Variants in ABCC9 observed in about 807,000 individuals in gnomAD.
ABCC9 encodes the protein ATP binding cassette subfamily C member 9, also known as ATP-binding cassette sub-family C member 9.
Under a neutral mutation model 188.3 loss-of-function variants are expected in ABCC9, and 95 were observed. That is an observed-to-expected ratio of 0.50 (90% CI 0.43 to 0.60). The LOEUF is 0.60. Among genes scored for constraint, ABCC9 ranks in the 20% least tolerant of loss-of-function variants. The pLI is 0.00. For synonymous variants in ABCC9, 659 were observed against 652.7 expected, an observed-to-expected ratio of 1.01 and a Z score of -0.15; for missense variants, 1,102 against 1,876.3, an observed-to-expected ratio of 0.59 and a Z score of 7.62.
At chr12:21,887,423 A>T (rs1350557278) in intron 15 of ABCC9, among the ~76,000 whole-genome samples, 1 of 152,208 alleles carries the variant, frequency 6.6e-6, no homozygotes, top group Non-Finnish European at 1.5e-5. Context: ...AAAAAGAGAC[A>T]ATGTAATATA....
At position 21,878,759 on chromosome 12, in the gene ABCC9, G is replaced by C. The variant is rs1486868164; in HGVS notation, c.2020-3033C>G. Among the ~76,000 whole-genome samples the C allele has an allele frequency of 5.1e-5, 7 of 138,396 alleles. No homozygotes were observed. In the Admixed American group the frequency reaches 5.3e-4, roughly 11 times the overall value. The allele number at this position is 138,396 out of a possible 152,430, so 90.8% of individuals were successfully genotyped here. Reference sequence around the variant, plus strand: ...CTAAAAGAATGCAATGTCACCTTCTGATTTGGTGCTACATTGAAGTAAAAG... The same window carrying C: ...CTAAAAGAATGCAATGTCACCTTCTCATTTGGTGCTACATTGAAGTAAAAG... On this transcript the variant is annotated intron_variant, in intron 16 of 39. Transcript: ENST00000261200.
chr12:21,859,755 A>G (rs1945411846), intron 21 of ABCC9, 89 bp from the exon 22 acceptor site: 2 of 1,118,094 alleles, frequency 1.8e-6, no homozygotes, highest in Middle Eastern at 2.0e-4. Flanking sequence ...ACGTCTTTTT[A>G]AAAATCTTAG....
At chr12:21,841,653 G>A (rs1197873630) in intron 29 of ABCC9, among the ~76,000 whole-genome samples, 1 of 151,974 alleles carries the variant, frequency 6.6e-6, no homozygotes, top group Non-Finnish European at 1.5e-5. Context: ...CACCACGCCC[G>A]GCCTATGTTT....
intron 25 of ABCC9, among the ~76,000 whole-genome samples, chr12:21,846,715 T>A (rs1274969617): frequency 1.6e-4 from 24 of 152,170 alleles, no homozygotes; most frequent in Non-Finnish European, 7.4e-5. Flanking sequence ...GTATGTCCTT[T>A]GTGTGAGAAG....
intron 4 of ABCC9, among the ~76,000 whole-genome samples, chr12:21,928,420 G>A (rs1338873031): frequency 1.4e-5 from 2 of 144,456 alleles, no homozygotes; most frequent in Non-Finnish European, 3.0e-5. Flanking sequence ...AGGAAGGAAA[G>A]AAGAAAGAAA....
At chr12:21,835,829 G>C (rs982854698) in intron 30 of ABCC9, among the ~76,000 whole-genome samples, 2 of 152,008 alleles carry the variant, frequency 1.3e-5, no homozygotes, top group African/African-American at 2.4e-5. Flanking sequence ...CATCAGACCT[G>C]TATACCAAAA....
chr12:21,929,551 T>C (rs1159723510), intron 4 of ABCC9, among the ~76,000 whole-genome samples: 2 of 152,042 alleles, frequency 1.3e-5, no homozygotes, highest in Non-Finnish European at 2.9e-5. Context: ...AGATATTAAG[T>C]AAATAATTCA....
In ABCC9 at chr12:21,798,490, A is replaced by G. The variant is rs1346635922; in HGVS notation, c.*2554T>C. 3.3e-5 allele frequency: 5 copies of G among 149,774 alleles called. No homozygotes were observed. The highest frequency in any genetic ancestry group is 6.7e-5 in the Admixed American group (1 of 14,978). 9.3% of individuals were successfully genotyped at this position (149,774 alleles called of 1,614,324 possible). On this transcript the variant is annotated 3_prime_UTR_variant, in exon 40 of 40. Transcript: ENST00000261200. Reference sequence around the variant, plus strand: ...TGAGAAGTGTCTGTTCATGTCCTTCACCCACTTTTTGATGGGGTTGTTTGT... The same window carrying G: ...TGAGAAGTGTCTGTTCATGTCCTTCGCCCACTTTTTGATGGGGTTGTTTGT...
chr12:21,801,344 A>T (rs368509099), intron 39 of ABCC9, among the ~76,000 whole-genome samples, 163 bp from the exon 40 acceptor site: 13 of 152,272 alleles, frequency 8.5e-5, no homozygotes, highest in African/African-American at 2.9e-4. Context: ...TATTTAAATT[A>T]TCATTTATTT....
intron 30 of ABCC9, among the ~76,000 whole-genome samples, chr12:21,835,761 G>C (rs1267188971): frequency 6.6e-6 from 1 of 152,032 alleles, no homozygotes; most frequent in African/African-American, 2.4e-5. Flanking sequence ...ACTTTAACTA[G>C]TATCCATAAA....
In ABCC9 at chr12:21,910,330, AAG is replaced by A. The variant is rs796153095; in HGVS notation, c.1165-20_1165-19del. On this transcript the variant is annotated intron_variant, in intron 9 of 39. Transcript: ENST00000261200. The stretch of plus-strand genomic sequence containing the variant: ...ATCATGGCCTACCAAAAAAAAAAAA[AAG>A]AGTACATAAAGCTCTAAACTTAAAA... 3 of 1,564,276 alleles carry A rather than the reference AAG, an allele frequency of 1.9e-6. No individual in the cohort carries two copies. The highest frequency in any genetic ancestry group is 1.4e-5 in the African/African-American group (1 of 73,076).
At chr12:21,845,158 A>C (rs1187183332) in intron 26 of ABCC9, among the ~76,000 whole-genome samples, 3 of 152,126 alleles carry the variant, frequency 2.0e-5, no homozygotes, top group Non-Finnish European at 4.4e-5. Context: ...ATGAAGAGAA[A>C]GAGTTTGTTT....
At chr12:21,835,452 C>A (rs2252712) in intron 30 of ABCC9, among the ~76,000 whole-genome samples, 152,308 of 152,308 alleles carry the variant, frequency 1, 76,154 homozygotes, top group Non-Finnish European at 1. Context: ...TCTACATTCT[C>A]ACATTCAGAG....
chr12:21,817,080 G>T, intron 33 of ABCC9, 107 bp downstream of exon 33: 1 of 1,257,600 alleles, frequency 8.0e-7, no homozygotes, highest in Non-Finnish European at 1.1e-6. Flanking sequence ...AGAGTTTTCT[G>T]GATACTGAAG....
intron 39 of ABCC9, among the ~76,000 whole-genome samples, chr12:21,804,887 C>G (rs1389395905): frequency 6.6e-6 from 1 of 152,168 alleles, no homozygotes; most frequent in African/African-American, 2.4e-5. Flanking sequence ...CAAAACATCC[C>G]TAAGGACTAG....
At chr12:21,903,846 G>C (rs901872245) in intron 12 of ABCC9, among the ~76,000 whole-genome samples, 3 of 152,096 alleles carry the variant, frequency 2.0e-5, no homozygotes, top group Admixed American at 6.6e-5. Context: ...ATGAAAATGG[G>C]CATACTGCCC....
At position 21,907,922 on chromosome 12, in the gene ABCC9, T is replaced by C. The variant is rs1492135; in HGVS notation, c.1455+155A>G. On this transcript the variant is annotated intron_variant, in intron 11 of 39. Coordinates refer to ENST00000261200, the MANE Select transcript of ABCC9 (RefSeq NM_020297.4). The stretch of plus-strand genomic sequence containing the variant: ...CCAATCCACTTTTAAAAATTGTTTT[T>C]GCAACATGGAAAATACACATTTGCT... Among the ~76,000 whole-genome samples, 150,684 of 152,134 alleles carry C rather than the reference T, an allele frequency of 0.99. 74,640 individuals carry two copies. The highest frequency in any genetic ancestry group is 1 in the East Asian group (5,182 of 5,182).
chr12:21,894,857 G>T (rs1176532796), intron 13 of ABCC9, among the ~76,000 whole-genome samples: 1 of 152,158 alleles, frequency 6.6e-6, no homozygotes, highest in Non-Finnish European at 1.5e-5. Context: ...AGATTTTCTG[G>T]TTATTGATCT....
Position 21,814,701 on chromosome 12 carries a change from C to T in ABCC9, c.4045G>A (p.Gly1349Ser). 1 of 1,613,982 alleles carries T rather than the reference C, an allele frequency of 6.2e-7. No homozygotes were observed. The highest frequency in any genetic ancestry group is 8.5e-7 in the Non-Finnish European group (1 of 1,179,942). The change falls in exon 35 of 40, where the codon GGC becomes AGC. Residue 1349 changes from glycine to serine, a missense_variant. Physicochemically the swap from Gly to Ser is moderately conservative, Grantham distance 56. Transcript: ENST00000261200. ...GQKVGICGRT[G>S]SGKSSLSLAF... ...AGAGATAACGATGATTTCCCACTGCCAGTGCGACCACATATGCCCACCTAG... is the reference window on the plus strand; with the variant it reads ...AGAGATAACGATGATTTCCCACTGCTAGTGCGACCACATATGCCCACCTAG...
Sources: gnomAD v4.1 joint callset for allele counts (sites outside exome capture counted in the v4.1 genomes callset) on GRCh38, gnomAD v4.1.1 for gene constraint, MANE v1.5 for transcripts, NCBI Gene and HGNC (gene_info 2026-07-23, HGNC 2026-07-21) for gene names.